LRRTM4: variants seen among roughly 807,000 people sequenced by gnomAD.
The protein encoded by LRRTM4 is leucine-rich repeat transmembrane neuronal protein 4.
A neutral mutation model predicts 47.6 loss-of-function variants in LRRTM4; 25 were observed. The observed-to-expected ratio is 0.53, with a 90% CI of 0.38 to 0.73. LRRTM4 has a LOEUF of 0.73. LRRTM4 is among the 30% of genes least tolerant of loss of function. The pLI, the probability that LRRTM4 is intolerant of heterozygous loss-of-function variation, is 0.00. For synonymous variants in LRRTM4, 311 were observed against 269.5 expected (o/e 1.15, Z -1.51); for missense variants, 638 against 713.4 (o/e 0.89, Z 1.20).
chr2:77,260,374 CGTGTGTGTGTGTGT>C lies in LRRTM4; in HGVS notation c.1551+257930_1551+257943del, dbSNP rs58758948. Among the ~76,000 whole-genome samples the C allele has an allele frequency of 3.4e-4, 48 of 140,500 alleles. No homozygotes were observed. In the South Asian group the frequency reaches 5.6e-3, roughly 16 times the overall value. 92.2% of individuals were successfully genotyped at this position (140,500 alleles called of 152,430 possible). A position where few individuals can be genotyped will look rare whatever the true frequency, so the allele number is the denominator to read the frequency against. The stretch of plus-strand genomic sequence containing the variant: ...GAAATTGGAAGTACTACCAAAAAAT[CGTGTGTGTGTGTGT>C]GTGTGTGTGTGTGTGTGTGTGTGTG... On this transcript the variant is annotated intron_variant, in intron 3 of 3. Transcript: ENST00000409884.
chr2:77,434,267 C>T (rs1242197289), intron 3 of LRRTM4, among the ~76,000 whole-genome samples: 2 of 151,312 alleles, frequency 1.3e-5, no homozygotes, highest in African/African-American at 4.9e-5. Flanking sequence ...AAGTTTTCCA[C>T]ATGTCAGAGC....
chr2:77,417,771 GAA>G (rs1674701441), intron 3 of LRRTM4, among the ~76,000 whole-genome samples: 1 of 146,688 alleles, frequency 6.8e-6, no homozygotes, highest in African/African-American at 2.7e-5. Flanking sequence ...TGTTGGGGGG[GAA>G]GGGGGGAGGA....
At chr2:77,234,936 C>T (rs1481464414) in intron 3 of LRRTM4, among the ~76,000 whole-genome samples, 1 of 152,122 alleles carries the variant, frequency 6.6e-6, no homozygotes, top group African/African-American at 2.4e-5. Context: ...TTTACATCTG[C>T]TTGTATCCAA....
At chr2:77,319,322 G>A (rs1294250647) in intron 3 of LRRTM4, among the ~76,000 whole-genome samples, 1 of 152,066 alleles carries the variant, frequency 6.6e-6, no homozygotes, top group Non-Finnish European at 1.5e-5. Flanking sequence ...TGGAGGCGGA[G>A]GTTGCAGTGA....
chr2:77,322,487 A>G (rs1259836490), intron 3 of LRRTM4, among the ~76,000 whole-genome samples: 9 of 152,040 alleles, frequency 5.9e-5, no homozygotes, highest in Admixed American at 5.9e-4. Flanking sequence ...AAGTTTAACA[A>G]TTCATTCAAC....
intron 3 of LRRTM4, among the ~76,000 whole-genome samples, chr2:77,152,529 C>A (rs1157631589): frequency 6.6e-6 from 1 of 151,956 alleles, no homozygotes; most frequent in Non-Finnish European, 1.5e-5. Flanking sequence ...GGGGTTTCAC[C>A]GTGTTAGCCA....
At chr2:77,167,183 T>C (rs894228371) in intron 3 of LRRTM4, among the ~76,000 whole-genome samples, 17 of 152,070 alleles carry the variant, frequency 1.1e-4, no homozygotes, top group Admixed American at 6.6e-5. Flanking sequence ...TTTATGCAGC[T>C]AACAGACTCA....
rs562875805 is a variant in LRRTM4, at chr2:76,792,332, C to A, written c.1552-43416G>T. Among the ~76,000 whole-genome samples, 8 of 152,108 alleles carry A rather than the reference C, an allele frequency of 5.3e-5. No homozygotes were observed. In the East Asian group the frequency reaches 1.5e-3, roughly 29 times the overall value. ...CTTTACACATTAAGTTAAATACCAA[C>A]CCCCAGAGACCAGGAATATAATAAA... On this transcript the variant is annotated intron_variant, in intron 3 of 3. Coordinates refer to ENST00000409884, the MANE Select transcript of LRRTM4 (RefSeq NM_001134745.3).
At chr2:77,479,543 G>C (rs977373185) in intron 3 of LRRTM4, among the ~76,000 whole-genome samples, 1 of 152,188 alleles carries the variant, frequency 6.6e-6, no homozygotes, top group African/African-American at 2.4e-5. Context: ...ATAACTAACA[G>C]ACAAGTGTCT....
At chr2:76,767,799 CTA>C (rs1255855152) in intron 3 of LRRTM4, among the ~76,000 whole-genome samples, 2 of 152,096 alleles carry the variant, frequency 1.3e-5, no homozygotes, top group Non-Finnish European at 2.9e-5. Flanking sequence ...CTACTCTTGC[CTA>C]TTTTTGCAAA....
In LRRTM4 at chr2:77,518,506, T is replaced by C; in HGVS notation, c.1363A>G (p.Lys455Glu). ...ATAAGAGAGTGTTGCTGGAGTTGTT[T>C]CATGCTGGCTGGGTAGCGTTTCCAA... ...VSWKRYPASM[K>E]QLQQHSLMKR... Residue 455 changes from lysine (K) to glutamate (E), a missense_variant, in exon 3 of 4, where the codon AAA (lysine) becomes GAA (glutamate). Physicochemically the swap from Lys to Glu is moderately conservative, Grantham distance 56. Coordinates refer to ENST00000409884, the MANE Select transcript of LRRTM4 (RefSeq NM_001134745.3). 6.2e-7 allele frequency: 1 copy of C among 1,613,470 alleles called. No homozygotes were observed. The highest frequency in any genetic ancestry group is 1.1e-5 in the South Asian group (1 of 91,074).
intron 3 of LRRTM4, among the ~76,000 whole-genome samples, chr2:77,290,876 T>A (rs1676804730): frequency 6.6e-6 from 1 of 152,004 alleles, no homozygotes; most frequent in Non-Finnish European, 1.5e-5. Flanking sequence ...CTTTTCCGAG[T>A]TGCATCAGCT....
At chr2:76,951,613 A>G (rs561473807) in intron 3 of LRRTM4, among the ~76,000 whole-genome samples, 4 of 151,930 alleles carry the variant, frequency 2.6e-5, no homozygotes, top group Non-Finnish European at 5.9e-5. Context: ...CCTTCAGATA[A>G]TAGATAATTT....
At chr2:77,157,514 A>G (rs1672591108) in intron 3 of LRRTM4, among the ~76,000 whole-genome samples, 2 of 152,110 alleles carry the variant, frequency 1.3e-5, no homozygotes. Flanking sequence ...ATTATTGCTT[A>G]TAATATTTGA....
In LRRTM4 at chr2:77,413,934, T is replaced by G. The variant is rs150824515; in HGVS notation, c.1551+104384A>C. The stretch of plus-strand genomic sequence containing the variant: ...TCAGAGATCTTCTGGATTGTGTGGA[T>G]AGCTGTGGTCCTTCAAACATCAATG... On this transcript the variant is annotated intron_variant, in intron 3 of 3. Transcript: ENST00000409884. Among the ~76,000 whole-genome samples, 1,321 of 152,256 alleles carry G rather than the reference T, an allele frequency of 8.7e-3. 16 individuals carry two copies. The highest frequency in any genetic ancestry group is 0.03 in the African/African-American group (1,246 of 41,544).
chr2:76,973,156 A>G (rs1676280133), intron 3 of LRRTM4, among the ~76,000 whole-genome samples: 1 of 139,426 alleles, frequency 7.2e-6, no homozygotes, highest in African/African-American at 3.0e-5. Flanking sequence ...TGGTAGTTAC[A>G]AGGAGACTCT....
At chr2:77,492,991 T>C (rs1678224668) in intron 3 of LRRTM4, among the ~76,000 whole-genome samples, 1 of 152,134 alleles carries the variant, frequency 6.6e-6, no homozygotes, top group Non-Finnish European at 1.5e-5. Context: ...GAATGTTTTT[T>C]AGAAGTCTTA....
intron 3 of LRRTM4, among the ~76,000 whole-genome samples, chr2:77,096,166 AAATT>A (rs1478833101): frequency 6.6e-6 from 1 of 151,792 alleles, no homozygotes; most frequent in Non-Finnish European, 1.5e-5. Flanking sequence ...AAAAATTAAT[AAATT>A]AATTTTTTAA....
chr2:77,453,418 GA>G (rs1462766536), intron 3 of LRRTM4, among the ~76,000 whole-genome samples: 3 of 151,980 alleles, frequency 2.0e-5, no homozygotes, highest in African/African-American at 7.2e-5. Context: ...CTGACCTTGT[GA>G]TCCTCCCGCC....
Sources: allele counts gnomAD v4.1 joint callset (sites outside exome capture counted in the v4.1 genomes callset), GRCh38; gene constraint gnomAD v4.1.1; transcripts MANE v1.5; gene names NCBI Gene and HGNC (gene_info 2026-07-23, HGNC 2026-07-21).